The following TAFA1 variants were observed in gnomAD, a reference collection of about 807,000 sequenced individuals.
The protein encoded by TAFA1 is TAFA chemokine like family member 1.
Under a neutral mutation model 18.5 loss-of-function variants are expected in TAFA1, and 4 were observed. That is an observed-to-expected ratio of 0.22 (90% CI 0.11 to 0.49). The LOEUF (loss-of-function observed/expected upper bound fraction) is 0.49, where lower values mean the gene tolerates loss of function less well. Among genes scored for constraint, TAFA1 ranks in the 20% least tolerant of loss-of-function variants. The pLI, the probability that TAFA1 is intolerant of heterozygous loss-of-function variation, is 0.98. For synonymous variants in TAFA1, 56 were observed against 55.2 expected, an observed-to-expected ratio of 1.01 and a Z score of -0.06; for missense variants, 147 against 169.0, an observed-to-expected ratio of 0.87 and a Z score of 0.72.
At chr3:68,182,862 A>T (rs2066221554) in intron 2 of TAFA1, among the ~76,000 whole-genome samples, 1 of 152,168 alleles carries the variant, frequency 6.6e-6, no homozygotes, top group Non-Finnish European at 1.5e-5. Flanking sequence ...TTTATATTTT[A>T]TGCATATGGT....
At chr3:68,538,721 A>T (rs2073316429) in intron 3 of TAFA1, 35 bp from the exon 4 acceptor site, 1 of 1,610,056 alleles carries the variant, frequency 6.2e-7, no homozygotes, top group African/African-American at 1.3e-5. Flanking sequence ...TGTTTGGATG[A>T]ATTGCAAACA....
At chr3:68,412,711 C>A (rs1355773227) in intron 2 of TAFA1, among the ~76,000 whole-genome samples, 33 of 152,136 alleles carry the variant, frequency 2.2e-4, no homozygotes, top group African/African-American at 7.2e-4. Context: ...TGAATGCATC[C>A]TTTTTTATGG....
chr3:68,275,281 G>C (rs2107241865), intron 2 of TAFA1, among the ~76,000 whole-genome samples: 1 of 152,080 alleles, frequency 6.6e-6, no homozygotes, highest in East Asian at 1.9e-4. Context: ...AAATATGGAG[G>C]GCAATCTTTG....
At chr3:68,163,865 G>A (rs2065952849) in intron 2 of TAFA1, among the ~76,000 whole-genome samples, 1 of 152,250 alleles carries the variant, frequency 6.6e-6, no homozygotes, top group South Asian at 2.1e-4. Context: ...AACTCTGCCA[G>A]GGAACTTGCT....
chr3:68,416,022 A>T (rs571568817), intron 2 of TAFA1, among the ~76,000 whole-genome samples: 93 of 152,266 alleles, frequency 6.1e-4, no homozygotes, highest in Admixed American at 1.0e-3. Flanking sequence ...GCATTGTGGG[A>T]TGTTTAACAT....
intron 2 of TAFA1, among the ~76,000 whole-genome samples, chr3:68,009,158 G>A (rs1007883203): frequency 5.9e-5 from 9 of 152,070 alleles, no homozygotes; most frequent in African/African-American, 2.2e-4. Flanking sequence ...TAACCATGTG[G>A]TACATGGCTA....
At chr3:68,535,010 C>T (rs887889460) in intron 3 of TAFA1, among the ~76,000 whole-genome samples, 2 of 152,080 alleles carry the variant, frequency 1.3e-5, no homozygotes, top group Admixed American at 6.6e-5. Flanking sequence ...TCTTCTCATG[C>T]TAAGATCAAA....
intron 3 of TAFA1, among the ~76,000 whole-genome samples, chr3:68,444,059 C>T (rs1197413971): frequency 6.6e-6 from 1 of 152,146 alleles, no homozygotes; most frequent in Non-Finnish European, 1.5e-5. Context: ...TCCTCCATGG[C>T]CCTGTCTCTA....
At chr3:68,165,610 A>G (rs2065974032) in intron 2 of TAFA1, among the ~76,000 whole-genome samples, 1 of 152,256 alleles carries the variant, frequency 6.6e-6, no homozygotes, top group Non-Finnish European at 1.5e-5. Context: ...GTTGAAAAGC[A>G]TAATTAACTA....
chr3:68,135,111 C>A (rs915361306), intron 2 of TAFA1, among the ~76,000 whole-genome samples: 1 of 152,000 alleles, frequency 6.6e-6, no homozygotes, highest in African/African-American at 2.4e-5. Context: ...GGGGGAGAAG[C>A]AAAAAGGTCT....
chr3:68,220,808 C>G (rs1032947093), intron 2 of TAFA1, among the ~76,000 whole-genome samples: 1 of 152,096 alleles, frequency 6.6e-6, no homozygotes, highest in Non-Finnish European at 1.5e-5. Context: ...ACTGCTGTCT[C>G]TAAGGGTCAC....
chr3:68,539,601 G>T (rs1240673768), intron 4 of TAFA1, among the ~76,000 whole-genome samples: 2 of 148,442 alleles, frequency 1.3e-5, no homozygotes, highest in Non-Finnish European at 3.0e-5. Flanking sequence ...TATTTGACAA[G>T]TGTGGTCATA....
chr3:68,486,874 G>A (rs2072351720), intron 3 of TAFA1, among the ~76,000 whole-genome samples: 1 of 152,094 alleles, frequency 6.6e-6, no homozygotes, highest in African/African-American at 2.4e-5. Flanking sequence ...GGGCAGTTTG[G>A]TATCACCCTA....
chr3:68,067,515 G>A (rs1003442958), intron 2 of TAFA1, among the ~76,000 whole-genome samples: 1 of 152,168 alleles, frequency 6.6e-6, no homozygotes, highest in African/African-American at 2.4e-5. Flanking sequence ...GGCTTGAGAG[G>A]TAATACAAGC....
At chr3:68,375,164 T>G (rs957977794) in intron 2 of TAFA1, among the ~76,000 whole-genome samples, 1 of 152,130 alleles carries the variant, frequency 6.6e-6, no homozygotes, top group Non-Finnish European at 1.5e-5. Flanking sequence ...ATAAATAGCC[T>G]TCTAGCCTCA....
At chr3:68,415,157 C>T (rs149927028) in intron 2 of TAFA1, among the ~76,000 whole-genome samples, 10 of 152,244 alleles carry the variant, frequency 6.6e-5, no homozygotes, top group Admixed American at 2.0e-4. Flanking sequence ...TTGTTTTGCA[C>T]GAGCCATTTA....
At chr3:68,127,294 A>T (rs73834835) in intron 2 of TAFA1, among the ~76,000 whole-genome samples, 6,038 of 152,180 alleles carry the variant, frequency 0.04, 167 homozygotes, top group East Asian at 0.1. Context: ...GCAATGTGTG[A>T]GAGAGAGAAA....
At chr3:68,532,178 G>A (rs544766919) in intron 3 of TAFA1, among the ~76,000 whole-genome samples, 34 of 152,276 alleles carry the variant, frequency 2.2e-4, no homozygotes, top group Non-Finnish European at 4.3e-4. Context: ...AGAGCTGGAT[G>A]ACTGAAGATT....
At chr3:68,351,319 T>C (rs2106774856) in intron 2 of TAFA1, among the ~76,000 whole-genome samples, 1 of 152,154 alleles carries the variant, frequency 6.6e-6, no homozygotes, top group East Asian at 1.9e-4. Context: ...TAGGATAGGT[T>C]CTGGAAATCT....
Sources: gnomAD v4.1 joint callset for allele counts (sites outside exome capture counted in the v4.1 genomes callset) on GRCh38, gnomAD v4.1.1 for gene constraint, MANE v1.5 for transcripts, NCBI Gene and HGNC (gene_info 2026-07-23, HGNC 2026-07-21) for gene names.